The following CSMD3 variants were observed in gnomAD, a reference collection of about 807,000 sequenced individuals.
The protein encoded by CSMD3 is CUB and Sushi multiple domains 3.
A neutral mutation model predicts 435.2 loss-of-function variants in CSMD3; 177 were observed. The observed-to-expected ratio is 0.41, with a 90% confidence interval of 0.36 to 0.46. The LOEUF (loss-of-function observed/expected upper bound fraction) is 0.46. Among genes scored for constraint, CSMD3 ranks in the 20% least tolerant of loss-of-function variants. The probability of loss-of-function intolerance (pLI) is 0.34; values close to 1 mark genes in which losing one functional copy is unlikely to be tolerated. For synonymous variants in CSMD3, 1,656 were observed against 1,520.5 expected, an observed-to-expected ratio of 1.09 and a Z score of -2.07; for missense variants, 4,265 against 4,504.6, an observed-to-expected ratio of 0.95 and a Z score of 1.52.
rs762485017 is a variant in CSMD3, at chr8:112,587,153, T to C, written c.3798A>G (p.Glu1266=). 6.2e-7 allele frequency: 1 copy of C among 1,609,422 alleles called. No individual in the cohort carries two copies. Among genetic ancestry groups the C allele is most frequent in the Non-Finnish European group, 8.5e-7 (1 of 1,176,418 alleles). ...NYPLNYENNH[E]CIYSIQVQAG... The stretch of plus-strand genomic sequence containing the variant: ...CTTGAACCTGAATACTATAAATGCA[T>C]TCATGGTTGTTTTCATAGTTGAGTG... Residue 1266 remains glutamate (E), a synonymous_variant, in exon 23 of 71, where the codon GAA becomes GAG. Coordinates refer to ENST00000297405, the MANE Select transcript of CSMD3 (RefSeq NM_198123.2).
intron 31 of CSMD3, among the ~76,000 whole-genome samples, chr8:112,482,720 C>G (rs1309053540): frequency 2.0e-5 from 3 of 152,142 alleles, no homozygotes; most frequent in Non-Finnish European, 4.4e-5. Flanking sequence ...TTACTTAAAG[C>G]AACTAATATA....
intron 35 of CSMD3, among the ~76,000 whole-genome samples, chr8:112,393,627 A>G (rs1279399556): frequency 1.3e-5 from 2 of 152,178 alleles, no homozygotes; most frequent in Non-Finnish European, 2.9e-5. Flanking sequence ...TGCTACAGTG[A>G]CAAGCTATCT....
At chr8:112,699,406 C>T (rs1366720562) in intron 13 of CSMD3, among the ~76,000 whole-genome samples, 1 of 152,062 alleles carries the variant, frequency 6.6e-6, no homozygotes, top group African/African-American at 2.4e-5. Context: ...AGACCTAGAA[C>T]CCACCGGAAG....
chr8:112,854,367 G>GA (rs1290032749), intron 11 of CSMD3, among the ~76,000 whole-genome samples: 1 of 152,146 alleles, frequency 6.6e-6, no homozygotes, highest in African/African-American at 2.4e-5. Flanking sequence ...GATTGAAACA[G>GA]ATTTTGAAAA....
chr8:112,286,751 G>T (rs1220261169), intron 58 of CSMD3, among the ~76,000 whole-genome samples: 1 of 152,016 alleles, frequency 6.6e-6, no homozygotes, highest in Non-Finnish European at 1.5e-5. Flanking sequence ...ATTCTCCATG[G>T]ATAAAGGAGG....
At chr8:112,515,944 A>G (rs987064236) in intron 28 of CSMD3, among the ~76,000 whole-genome samples, 1 of 152,106 alleles carries the variant, frequency 6.6e-6, no homozygotes, top group Non-Finnish European at 1.5e-5. Context: ...TGTTTAGAAC[A>G]GTGCCTGAGA....
rs144945371 is a variant in CSMD3, at chr8:112,965,217, C to T, written c.1343-10456G>A. On this transcript the variant is annotated intron_variant, in intron 7 of 70. Transcript: ENST00000297405. ...GAAAAAGATTTAAAAGTCACATACG[C>T]CACATTCACTGTGACGATCTCATTC... 6.6e-3 allele frequency among the ~76,000 whole-genome samples: 1,006 copies of T among 152,048 alleles called. 11 individuals carry two copies. Among genetic ancestry groups the T allele is most frequent in the African/African-American group, 0.023 (965 of 41,520 alleles).
chr8:112,431,020 C>A (rs1268437763), intron 32 of CSMD3, among the ~76,000 whole-genome samples: 2 of 151,886 alleles, frequency 1.3e-5, no homozygotes, highest in African/African-American at 2.4e-5. Context: ...GCTCTGCCAG[C>A]CCCAAAATGT....
intron 38 of CSMD3, among the ~76,000 whole-genome samples, chr8:112,370,821 T>C (rs1828318838): frequency 6.6e-6 from 1 of 152,204 alleles, no homozygotes; most frequent in South Asian, 2.1e-4. Context: ...CCTGATAGAA[T>C]GTAAAATCCA....
chr8:112,409,232 C>T (rs1042584513), intron 32 of CSMD3, among the ~76,000 whole-genome samples, 200 bp from the exon 33 acceptor site: 1 of 151,830 alleles, frequency 6.6e-6, no homozygotes, highest in African/African-American at 2.4e-5. Context: ...AAGAAGTGAC[C>T]ATGACCTAAA....
Position 112,301,824 on chromosome 8 carries a change from A to C in CSMD3, c.8409T>G (p.Gly2803=). 6.2e-7 allele frequency: 1 copy of C among 1,613,884 alleles called. No homozygotes were observed. The highest frequency in any genetic ancestry group is 1.1e-5 in the South Asian group (1 of 91,072). ...GSAVRECLSS[G]LWSESETRCL... ...ATCTGGTTTCAGATTCACTCCAAAG[A>C]CCTGAGGAAAGGCATTCCCTTACAG... The change falls in exon 53 of 71, where the codon GGT becomes GGG. Residue 2803 remains glycine, a synonymous_variant. Transcript: ENST00000297405.
At chr8:113,187,803 T>C (rs1202062064) in intron 3 of CSMD3, among the ~76,000 whole-genome samples, 3 of 151,984 alleles carry the variant, frequency 2.0e-5, no homozygotes, top group Non-Finnish European at 4.4e-5. Flanking sequence ...ACAATTCTTC[T>C]GTGTCCATAA....
At chr8:112,929,338 T>G (rs2083023621) in intron 9 of CSMD3, among the ~76,000 whole-genome samples, 1 of 150,414 alleles carries the variant, frequency 6.6e-6, no homozygotes. Flanking sequence ...GTAACTAACC[T>G]GCACAATGTG....
chr8:112,337,917 A>G (rs1388320016), intron 42 of CSMD3, among the ~76,000 whole-genome samples, 186 bp from the exon 43 acceptor site: 1 of 152,162 alleles, frequency 6.6e-6, no homozygotes, highest in Admixed American at 6.5e-5. Flanking sequence ...CATGTCTACA[A>G]TTTTCATATT....
At chr8:113,363,389 G>T (rs2094290409) in intron 1 of CSMD3, among the ~76,000 whole-genome samples, 1 of 152,140 alleles carries the variant, frequency 6.6e-6, no homozygotes, top group South Asian at 2.1e-4. Context: ...CTTTCACAGA[G>T]TGTATTAGTT....
intron 63 of CSMD3, among the ~76,000 whole-genome samples, chr8:112,247,545 A>C (rs983311685): frequency 2.6e-5 from 4 of 152,168 alleles, no homozygotes; most frequent in African/African-American, 7.2e-5. Context: ...GAAACAAATA[A>C]ATATTGAAGG....
chr8:112,767,935 T>C (rs529476190), intron 13 of CSMD3, among the ~76,000 whole-genome samples: 7 of 151,798 alleles, frequency 4.6e-5, no homozygotes, highest in African/African-American at 1.4e-4. Flanking sequence ...GGCTGTACAT[T>C]AGAATACCCT....
chr8:113,211,637 C>T (rs928322138), intron 3 of CSMD3, among the ~76,000 whole-genome samples: 5 of 151,908 alleles, frequency 3.3e-5, no homozygotes, highest in African/African-American at 1.2e-4. Flanking sequence ...TGCAGTGAGC[C>T]GAGATCGCAC....
intron 35 of CSMD3, among the ~76,000 whole-genome samples, chr8:112,394,621 C>A (rs533751915): frequency 6.6e-6 from 1 of 152,094 alleles, no homozygotes; most frequent in Non-Finnish European, 1.5e-5. Context: ...CACTTGCTCA[C>A]CAACAAGAAA....
Sources: allele counts gnomAD v4.1 joint callset (sites outside exome capture counted in the v4.1 genomes callset), GRCh38; gene constraint gnomAD v4.1.1; transcripts MANE v1.5; gene names NCBI Gene and HGNC (gene_info 2026-07-23, HGNC 2026-07-21).